Variants in GRIA4 observed in about 807,000 individuals in gnomAD.
The protein encoded by GRIA4 is glutamate ionotropic receptor AMPA type subunit 4, also known as glutamate receptor 4.
A neutral mutation model predicts 104.0 loss-of-function variants in GRIA4; 34 were observed. That is an observed-to-expected ratio of 0.33 (90% CI 0.25 to 0.44). The LOEUF (loss-of-function observed/expected upper bound fraction) is 0.44. Ranked by LOEUF, GRIA4 falls within the 20% of genes least tolerant of loss-of-function variation. GRIA4 has a pLI of 1.00. For missense variants in GRIA4, 750 were observed against 1,096.5 expected, an observed-to-expected ratio of 0.68 and a Z score of 4.46; for synonymous variants, 386 against 381.9, an observed-to-expected ratio of 1.01 and a Z score of -0.13.
chr11:105,707,284 G>A (rs1591111996), intron 3 of GRIA4: 2 of 153,028 alleles, frequency 1.3e-5, no homozygotes, highest in Admixed American at 1.3e-4. Flanking sequence ...AGGTCATTCT[G>A]ACTAAAGATG....
chr11:105,670,807 A>T (rs1363474733), intron 3 of GRIA4, among the ~76,000 whole-genome samples: 2 of 152,146 alleles, frequency 1.3e-5, no homozygotes, highest in Non-Finnish European at 1.5e-5. Context: ...CCACAAATGT[A>T]GTGCTTAAAA....
intron 4 of GRIA4, among the ~76,000 whole-genome samples, chr11:105,766,179 G>C (rs1020136113): frequency 5.9e-5 from 9 of 152,146 alleles, no homozygotes; most frequent in Non-Finnish European, 1.3e-4. Context: ...TGGATAAATA[G>C]AACTCAAGCC....
At chr11:105,784,404 C>G (rs1233014323) in intron 4 of GRIA4, among the ~76,000 whole-genome samples, 1 of 152,138 alleles carries the variant, frequency 6.6e-6, no homozygotes, top group Non-Finnish European at 1.5e-5. Flanking sequence ...ATTCACAATT[C>G]ACTTTTGTTA....
Position 105,979,743 on chromosome 11 carries a change from C to T in GRIA4, c.*4C>T. 1 of 1,606,944 alleles carries T rather than the reference C, an allele frequency of 6.2e-7. No individual in the cohort carries two copies. Among genetic ancestry groups the T allele is most frequent in the Non-Finnish European group, 8.5e-7 (1 of 1,175,848 alleles). The stretch of plus-strand genomic sequence containing the variant: ...CATTGCATCGGACCTACCATAAAAA[C>T]CAAAAAAATAATTGAGTGCCTTAAT... On this transcript the variant is annotated 3_prime_UTR_variant, in exon 17 of 17. Coordinates refer to ENST00000282499, the MANE Select transcript of GRIA4 (RefSeq NM_000829.4).
At position 105,689,296 on chromosome 11, in the gene GRIA4, T is replaced by G. The variant is rs75845793; in HGVS notation, c.248-63685T>G. Among the ~76,000 whole-genome samples, 329 of 152,236 alleles carry G rather than the reference T, an allele frequency of 2.2e-3. 3 individuals carry two copies. The highest frequency in any genetic ancestry group is 7.3e-3 in the African/African-American group (305 of 41,534). ...ACTTCTGCTGTCACTTAAGAGATAATGAAAATGCTCAAATAGCCTTTGTCC... is the reference window on the plus strand; with the variant it reads ...ACTTCTGCTGTCACTTAAGAGATAAGGAAAATGCTCAAATAGCCTTTGTCC... On this transcript the variant is annotated intron_variant, in intron 3 of 16. Coordinates refer to ENST00000282499, the MANE Select transcript of GRIA4 (RefSeq NM_000829.4).
chr11:105,922,641 G>T (rs1310123888), intron 11 of GRIA4, among the ~76,000 whole-genome samples: 1 of 151,986 alleles, frequency 6.6e-6, no homozygotes, highest in African/African-American at 2.4e-5. Flanking sequence ...TACTGAAATG[G>T]AAAAGTGTTC....
rs1591220052 is a variant in GRIA4, at chr11:105,767,023, T to C, written c.487+13803T>C. On this transcript the variant is annotated intron_variant, in intron 4 of 16. Transcript: ENST00000282499. ...TACCCTTCACTTATTTAAGGTAGGC[T>C]CTGTTACAACAAGACATTTGATTTG... Among the ~76,000 whole-genome samples, 7 of 152,306 alleles carry C rather than the reference T, an allele frequency of 4.6e-5. No homozygotes were observed. In the South Asian group the frequency reaches 1.4e-3, roughly 32 times the overall value.
chr11:105,840,731 A>G (rs1944362657), intron 4 of GRIA4, among the ~76,000 whole-genome samples: 1 of 152,178 alleles, frequency 6.6e-6, no homozygotes, highest in Admixed American at 6.5e-5. Context: ...TAGTACAAAC[A>G]TCTCACTGAC....
intron 3 of GRIA4, among the ~76,000 whole-genome samples, chr11:105,670,386 A>G (rs1333674064): frequency 1.3e-5 from 2 of 152,162 alleles, no homozygotes; most frequent in African/African-American, 2.4e-5. Context: ...TTAATAAAAC[A>G]GAGGCCCTGG....
chr11:105,797,245 G>GA (rs1351693588), intron 4 of GRIA4, among the ~76,000 whole-genome samples: 1 of 151,366 alleles, frequency 6.6e-6, no homozygotes, highest in African/African-American at 2.4e-5. Flanking sequence ...TGAAAAGAAA[G>GA]AAAAAAAGGA....
chr11:105,778,038 A>G (rs1028197397), intron 4 of GRIA4, among the ~76,000 whole-genome samples: 1 of 152,172 alleles, frequency 6.6e-6, no homozygotes, highest in African/African-American at 2.4e-5. Flanking sequence ...GGGGGACTCA[A>G]AGATAGTCAC....
Position 105,679,055 on chromosome 11 carries a change from T to C in GRIA4, c.247+66621T>C, listed in dbSNP as rs145398189. On this transcript the variant is annotated intron_variant, in intron 3 of 16. Coordinates refer to ENST00000282499, the MANE Select transcript of GRIA4 (RefSeq NM_000829.4). Reference sequence around the variant, plus strand: ...ATAGAACCAATAGGATGTGTATATATAGAAAAAAAATCTGGCTCACAGTTA... The same window carrying C: ...ATAGAACCAATAGGATGTGTATATACAGAAAAAAAATCTGGCTCACAGTTA... Among the ~76,000 whole-genome samples the C allele has an allele frequency of 5.3e-3, 800 of 152,100 alleles. 6 individuals are homozygous for C. Among genetic ancestry groups the C allele is most frequent in the African/African-American group, 0.018 (729 of 41,524 alleles).
chr11:105,945,656 T>C (rs1396092438), intron 14 of GRIA4, among the ~76,000 whole-genome samples: 2 of 152,192 alleles, frequency 1.3e-5, no homozygotes, highest in African/African-American at 2.4e-5. Context: ...TAATAGTTAT[T>C]TGAACATTCA....
intron 10 of GRIA4, among the ~76,000 whole-genome samples, chr11:105,910,785 A>T (rs955054035): frequency 6.6e-6 from 1 of 152,136 alleles, no homozygotes; most frequent in African/African-American, 2.4e-5. Context: ...CAGATGTTAA[A>T]AATTGAGACT....
intron 5 of GRIA4, among the ~76,000 whole-genome samples, chr11:105,863,032 T>G (rs538574958): frequency 2.0e-5 from 3 of 152,316 alleles, no homozygotes; most frequent in East Asian, 3.9e-4. Flanking sequence ...CAGCCAGACA[T>G]GGGTAATATA....
At chr11:105,662,203 G>A (rs1952033759) in intron 3 of GRIA4, among the ~76,000 whole-genome samples, 1 of 151,860 alleles carries the variant, frequency 6.6e-6, no homozygotes, top group Admixed American at 6.6e-5. Context: ...AATTGAATAT[G>A]TTATTGTATT....
intron 4 of GRIA4, among the ~76,000 whole-genome samples, chr11:105,757,536 G>T (rs980838777): frequency 6.6e-6 from 1 of 152,128 alleles, no homozygotes; most frequent in African/African-American, 2.4e-5. Context: ...AAATACAGAA[G>T]CCTGCAGAGG....
rs1858716256 is a variant in GRIA4, at chr11:105,971,980, A to G, written c.2361A>G (p.Lys787=). 8 of 1,613,044 alleles carry G rather than the reference A, an allele frequency of 5.0e-6. No homozygotes were observed. Among genetic ancestry groups the G allele is most frequent in the African/African-American group, 1.3e-5 (1 of 74,996 alleles). ...GCGTCTTAGACAAGCTGAAAAACAAATGGTGGTACGATAAAGGTGAATGTG... is the reference window on the plus strand; with the variant it reads ...GCGTCTTAGACAAGCTGAAAAACAAGTGGTGGTACGATAAAGGTGAATGTG... ...EAGVLDKLKN[K]WWYDKGECGP... is the part of the protein sequence containing the mutation. Residue 787 remains lysine, a synonymous_variant, in exon 15 of 17, where the codon AAA becomes AAG. Coordinates refer to ENST00000282499, the MANE Select transcript of GRIA4 (RefSeq NM_000829.4).
At chr11:105,747,140 T>C (rs1357353227) in intron 3 of GRIA4, among the ~76,000 whole-genome samples, 1 of 152,148 alleles carries the variant, frequency 6.6e-6, no homozygotes, top group Non-Finnish European at 1.5e-5. Context: ...AACATAGAAA[T>C]TCACAGACAC....
Sources: gnomAD v4.1 joint callset for allele counts (sites outside exome capture counted in the v4.1 genomes callset) on GRCh38, gnomAD v4.1.1 for gene constraint, MANE v1.5 for transcripts, NCBI Gene and HGNC (gene_info 2026-07-23, HGNC 2026-07-21) for gene names.